Variants in COMMD1 observed in about 807,000 individuals in gnomAD.
COMMD1 encodes COMM domain-containing protein 1.
A neutral mutation model predicts 17.2 loss-of-function variants in COMMD1; 10 were observed. That is an observed-to-expected ratio of 0.58 (90% CI 0.36 to 0.99). COMMD1 has a LOEUF of 0.99. Ranked by LOEUF, COMMD1 falls within the 50% of genes least tolerant of loss-of-function variation. The pLI, the probability that COMMD1 is intolerant of heterozygous loss-of-function variation, is 0.01. For missense variants in COMMD1, 270 were observed against 231.8 expected (o/e 1.17, Z -1.07); for synonymous variants, 97 against 91.6 (o/e 1.06, Z -0.34).
intron 1 of COMMD1, among the ~76,000 whole-genome samples, chr2:61,980,913 GA>G (rs1218238043): frequency 6.6e-6 from 1 of 152,154 alleles, no homozygotes; most frequent in African/African-American, 2.4e-5. Context: ...CAATGATGTT[GA>G]GCATCTTTTC....
At chr2:61,911,212 G>A (rs1001202260) in intron 1 of COMMD1, among the ~76,000 whole-genome samples, 3 of 151,726 alleles carry the variant, frequency 2.0e-5, no homozygotes, top group Non-Finnish European at 2.9e-5. Flanking sequence ...AGTGGCTCAC[G>A]CCTGTAATCC....
intron 2 of COMMD1, among the ~76,000 whole-genome samples, chr2:62,003,590 T>C (rs2103812361): frequency 7.4e-6 from 1 of 135,662 alleles, no homozygotes; most frequent in South Asian, 2.4e-4. Flanking sequence ...CATTACGTTA[T>C]GTGACAGATA....
At chr2:62,075,225 C>T (rs1287726166) in intron 2 of COMMD1, among the ~76,000 whole-genome samples, 1 of 151,904 alleles carries the variant, frequency 6.6e-6, no homozygotes, top group Non-Finnish European at 1.5e-5. Context: ...AATTACATGT[C>T]AGTGTTCAAA....
intron 1 of COMMD1, among the ~76,000 whole-genome samples, chr2:61,994,880 C>G (rs1485337159): frequency 6.6e-6 from 1 of 152,076 alleles, no homozygotes; most frequent in Non-Finnish European, 1.5e-5. Flanking sequence ...TCAGTGCGCC[C>G]AGAGAAAGGA....
chr2:61,978,010 T>C (rs563155467), intron 1 of COMMD1, among the ~76,000 whole-genome samples: 1 of 150,728 alleles, frequency 6.6e-6, no homozygotes, highest in Non-Finnish European at 1.5e-5. Flanking sequence ...AAAGTTGACA[T>C]TGAGCCAGGC....
chr2:62,088,484 T>C (rs1183721358), intron 2 of COMMD1, among the ~76,000 whole-genome samples: 2 of 152,238 alleles, frequency 1.3e-5, no homozygotes, highest in Non-Finnish European at 2.9e-5. Context: ...ATCAAACTTA[T>C]AATCCAGGCT....
intron 2 of COMMD1, among the ~76,000 whole-genome samples, chr2:62,127,969 C>T (rs1428754852): frequency 6.7e-6 from 1 of 149,354 alleles, no homozygotes; most frequent in African/African-American, 2.5e-5. Context: ...TTGCAGTGAG[C>T]CAAGATTGTG....
intron 2 of COMMD1, among the ~76,000 whole-genome samples, chr2:62,007,033 C>T (rs1016163040): frequency 6.6e-6 from 1 of 152,166 alleles, no homozygotes; most frequent in African/African-American, 2.4e-5. Context: ...CAGTACTGAA[C>T]CATTTAGTAC....
At chr2:61,974,545 C>T (rs1478630255) in intron 1 of COMMD1, among the ~76,000 whole-genome samples, 5 of 151,398 alleles carry the variant, frequency 3.3e-5, no homozygotes, top group East Asian at 2.0e-4. Flanking sequence ...TGGTGGCAGG[C>T]GCCTGTAATC....
chr2:62,034,300 G>A (rs1266318826), intron 2 of COMMD1, among the ~76,000 whole-genome samples: 3 of 151,760 alleles, frequency 2.0e-5, no homozygotes, highest in Admixed American at 6.6e-5. Flanking sequence ...TCAGACGTTC[G>A]AGATCAGCCT....
intron 1 of COMMD1, among the ~76,000 whole-genome samples, chr2:61,923,942 A>T (rs2105197521): frequency 6.6e-6 from 1 of 152,088 alleles, no homozygotes; most frequent in African/African-American, 2.4e-5. Flanking sequence ...ACACCCAGTG[A>T]ATTTTTGTAT....
intron 1 of COMMD1, among the ~76,000 whole-genome samples, chr2:61,953,376 T>C (rs538435632): frequency 4.0e-5 from 6 of 150,256 alleles, no homozygotes; most frequent in South Asian, 2.1e-4. Context: ...CTTTTCTTTT[T>C]TTTTTTTTTT....
At chr2:62,021,841 G>T (rs181038118) in intron 2 of COMMD1, among the ~76,000 whole-genome samples, 1 of 152,236 alleles carries the variant, frequency 6.6e-6, no homozygotes, top group African/African-American at 2.4e-5. Flanking sequence ...TCTTTTTGTT[G>T]TTGAAGTTTC....
chr2:61,888,516 C>T, upstream of COMMD1: 3 of 1,610,726 alleles, frequency 1.9e-6, no homozygotes, highest in Non-Finnish European at 1.7e-6. Flanking sequence ...ATGGCAAACT[C>T]CGCTGTGTCT....
At chr2:61,937,061 A>G (rs1670623552) in intron 1 of COMMD1, among the ~76,000 whole-genome samples, 1 of 152,208 alleles carries the variant, frequency 6.6e-6, no homozygotes. Context: ...ATTGGTTGAA[A>G]GATTTATTGT....
At chr2:61,969,039 G>A in intron 1 of COMMD1, 1 of 446,570 alleles carries the variant, frequency 2.2e-6, no homozygotes, top group Non-Finnish European at 4.5e-6. Flanking sequence ...GCACACCGTG[G>A]CCTTGAACTC....
At chr2:61,903,763 ATCTCCT>A (rs1329268824), upstream of COMMD1, among the ~76,000 whole-genome samples, 2 of 151,770 alleles carry the variant, frequency 1.3e-5, no homozygotes, top group Non-Finnish European at 2.9e-5. Context: ...GCTGGTCTCG[ATCTCCT>A]GACCTCAGGT....
intron 2 of COMMD1, among the ~76,000 whole-genome samples, chr2:62,022,591 ATT>A (rs773031097): frequency 8.2e-5 from 11 of 134,324 alleles, no homozygotes; most frequent in Admixed American, 7.5e-5. Context: ...TAGTTTCACC[ATT>A]TTTTTTTTTT....
At chr2:62,001,943 G>A (rs1337283958) in intron 2 of COMMD1, among the ~76,000 whole-genome samples, 2 of 152,030 alleles carry the variant, frequency 1.3e-5, no homozygotes, top group Non-Finnish European at 2.9e-5. Flanking sequence ...TGAGGTGGGC[G>A]GATCACCTGA....
Sources: gnomAD v4.1 joint callset for allele counts (sites outside exome capture counted in the v4.1 genomes callset) on GRCh38, gnomAD v4.1.1 for gene constraint, MANE v1.5 for transcripts, NCBI Gene and HGNC (gene_info 2026-07-23, HGNC 2026-07-21) for gene names.